Variants in ABCC4 observed in about 807,000 individuals in gnomAD.
The protein encoded by ABCC4 is ATP binding cassette subfamily C member 4 (PEL blood group).
ABCC4 carries 102 observed loss-of-function variants against 168.5 expected under a neutral mutation model. The ratio of observed to expected loss-of-function variants is 0.61; its 90% CI spans 0.52 to 0.71. ABCC4 has a LOEUF of 0.71. ABCC4 is among the 30% of genes least tolerant of loss of function. The pLI is 0.00. For synonymous variants in ABCC4, 617 were observed against 590.7 expected, an observed-to-expected ratio of 1.04 and a Z score of -0.65; for missense variants, 1,402 against 1,605.8, an observed-to-expected ratio of 0.87 and a Z score of 2.17.
At chr13:95,233,668 A>AAAAT (rs1196806536) in intron 4 of ABCC4, among the ~76,000 whole-genome samples, 1 of 152,194 alleles carries the variant, frequency 6.6e-6, no homozygotes, top group Non-Finnish European at 1.5e-5. Flanking sequence ...GAAATTATTT[A>AAAAT]AAATAAATAA....
intron 3 of ABCC4, among the ~76,000 whole-genome samples, chr13:95,246,665 G>A (rs942572427): frequency 1.1e-4 from 17 of 152,226 alleles, no homozygotes; most frequent in African/African-American, 3.4e-4. Flanking sequence ...AACATTTACC[G>A]AGCACCAACA....
intron 3 of ABCC4, among the ~76,000 whole-genome samples, chr13:95,236,141 C>T (rs2039760523): frequency 6.6e-6 from 1 of 152,096 alleles, no homozygotes; most frequent in Non-Finnish European, 1.5e-5. Flanking sequence ...CAAATGAGCA[C>T]TTCACCCGGC....
chr13:95,107,643 T>C (rs1018367608), intron 20 of ABCC4, among the ~76,000 whole-genome samples: 11 of 152,100 alleles, frequency 7.2e-5, no homozygotes, highest in Non-Finnish European at 1.5e-4. Context: ...GATAAAGATA[T>C]AGGCTGGGCA....
chr13:95,280,244 C>G (rs533148549), intron 1 of ABCC4, among the ~76,000 whole-genome samples: 1 of 151,818 alleles, frequency 6.6e-6, no homozygotes, highest in Admixed American at 6.6e-5. Context: ...AGTGAAACCC[C>G]ATCTCTACTA....
chr13:95,045,059 G>A (rs1418446661), intron 27 of ABCC4, among the ~76,000 whole-genome samples: 1 of 152,150 alleles, frequency 6.6e-6, no homozygotes, highest in African/African-American at 2.4e-5. Flanking sequence ...AATCATATCA[G>A]TGTCCCCCAG....
intron 1 of ABCC4, among the ~76,000 whole-genome samples, chr13:95,248,577 A>G (rs911531549): frequency 2.0e-5 from 3 of 152,132 alleles, no homozygotes; most frequent in African/African-American, 7.3e-5. Flanking sequence ...ATTAATCATT[A>G]AATGATAATA....
At chr13:95,075,127 C>A in intron 22 of ABCC4, 1 of 333,990 alleles carries the variant, frequency 3.0e-6, no homozygotes, top group Non-Finnish European at 5.5e-6. Context: ...GCACACAATG[C>A]CTAAAACACT....
chr13:95,142,539 C>G (rs2139483687), intron 19 of ABCC4, among the ~76,000 whole-genome samples: 1 of 151,914 alleles, frequency 6.6e-6, no homozygotes, highest in Admixed American at 6.6e-5. Context: ...AAAGAACTTA[C>G]TCATGTAACC....
rs772645691 is a variant in ABCC4, at chr13:95,234,855, G to A, written c.307-21C>T. The A allele has an allele frequency of 4.7e-6, 7 of 1,485,222 alleles. No individual in the cohort carries two copies. The South Asian group carries it at 6.2e-5, about 13-fold the overall frequency. 92.0% of individuals were successfully genotyped at this position (1,485,222 alleles called of 1,614,324 possible). A position where few individuals can be genotyped will look rare whatever the true frequency, so the allele number is the denominator to read the frequency against. On this transcript the variant is annotated intron_variant, in intron 3 of 30. Coordinates refer to ENST00000645237, the MANE Select transcript of ABCC4 (RefSeq NM_005845.5). ...CTTTCCTAAAAGAAGAAAAAGAAAAGCCTTTAATTAGACATACAGACCACA... is the reference window on the plus strand; with the variant it reads ...CTTTCCTAAAAGAAGAAAAAGAAAAACCTTTAATTAGACATACAGACCACA...
chr13:95,252,829 T>C (rs2040301049), intron 1 of ABCC4, among the ~76,000 whole-genome samples: 1 of 152,216 alleles, frequency 6.6e-6, no homozygotes, highest in Non-Finnish European at 1.5e-5. Flanking sequence ...ACTGTACATC[T>C]ATAAAGAGAG....
chr13:95,263,648 C>T (rs1027597937), intron 1 of ABCC4, among the ~76,000 whole-genome samples: 1 of 152,060 alleles, frequency 6.6e-6, no homozygotes, highest in Non-Finnish European at 1.5e-5. Flanking sequence ...CATGGTGAAA[C>T]CCCGTCTCTA....
chr13:95,126,618 C>T (rs2035768877), intron 19 of ABCC4, among the ~76,000 whole-genome samples: 1 of 150,588 alleles, frequency 6.6e-6, no homozygotes, highest in East Asian at 2.0e-4. Context: ...ATCGTCAGTT[C>T]CATCCCCGGC....
chr13:95,274,479 C>T (rs377010439), intron 1 of ABCC4, among the ~76,000 whole-genome samples: 2 of 152,148 alleles, frequency 1.3e-5, no homozygotes, highest in African/African-American at 4.8e-5. Flanking sequence ...TAACAAGCAA[C>T]TAGAAACCAT....
chr13:95,031,019 G>A (rs1226968298), intron 30 of ABCC4, among the ~76,000 whole-genome samples: 2 of 152,208 alleles, frequency 1.3e-5, no homozygotes, highest in Non-Finnish European at 2.9e-5. Flanking sequence ...CCCAGATGTT[G>A]AGTTTTCCTT....
chr13:95,136,939 C>T (rs935708417), intron 19 of ABCC4, among the ~76,000 whole-genome samples: 7 of 152,244 alleles, frequency 4.6e-5, no homozygotes, highest in Non-Finnish European at 1.0e-4. Context: ...TACTTCTTGA[C>T]ACCCAGAGTT....
chr13:95,262,659 G>A (rs2040561896), intron 1 of ABCC4, among the ~76,000 whole-genome samples: 1 of 149,102 alleles, frequency 6.7e-6, no homozygotes, highest in African/African-American at 2.5e-5. Flanking sequence ...CCAAGACGGA[G>A]TCTCACTCTG....
At chr13:95,120,064 AT>A (rs1267662388) in intron 19 of ABCC4, among the ~76,000 whole-genome samples, 3 of 151,694 alleles carry the variant, frequency 2.0e-5, no homozygotes, top group Middle Eastern at 3.5e-3. Context: ...GTATCTCAAG[AT>A]TTTGAGGTTC....
intron 19 of ABCC4, among the ~76,000 whole-genome samples, chr13:95,160,307 C>T (rs1038361423): frequency 2.0e-5 from 3 of 152,190 alleles, no homozygotes; most frequent in African/African-American, 7.2e-5. Context: ...CACCTCCCTG[C>T]TTCTATGAGG....
chr13:95,172,977 T>C (rs2037531453), intron 13 of ABCC4, among the ~76,000 whole-genome samples: 1 of 152,046 alleles, frequency 6.6e-6, no homozygotes, highest in Non-Finnish European at 1.5e-5. Flanking sequence ...CTACCTTCAT[T>C]CATTCAGTTA....
Sources: gnomAD v4.1 joint callset for allele counts (sites outside exome capture counted in the v4.1 genomes callset) on GRCh38, gnomAD v4.1.1 for gene constraint, MANE v1.5 for transcripts, NCBI Gene and HGNC (gene_info 2026-07-23, HGNC 2026-07-21) for gene names.